Variants in EIF4E observed in about 807,000 individuals in gnomAD.
EIF4E encodes the protein eIF-4F 25 kDa subunit.
For missense variants in EIF4E, 113 were observed against 265.6 expected (o/e 0.43, Z 3.99); for synonymous variants, 71 against 88.5 (o/e 0.80, Z 1.11).
intron 3 of EIF4E, among the ~76,000 whole-genome samples, chr4:98,889,576 T>G (rs1656865257): frequency 6.6e-6 from 1 of 152,088 alleles, no homozygotes; most frequent in South Asian, 2.1e-4. Flanking sequence ...TGCAATAAAT[T>G]TGCTAGAAAA....
intron 1 of EIF4E, among the ~76,000 whole-genome samples, chr4:98,920,859 A>G (rs566977944): frequency 6.6e-6 from 1 of 152,316 alleles, no homozygotes; most frequent in African/African-American, 2.4e-5. Context: ...TTTTACACTT[A>G]TTTGTGTACC....
chr4:98,901,076 T>TA (rs773074524), intron 2 of EIF4E, among the ~76,000 whole-genome samples: 6 of 152,256 alleles, frequency 3.9e-5, no homozygotes, highest in Admixed American at 1.3e-4. Flanking sequence ...CGGACTTTTT[T>TA]AAAAGTGTTC....
In EIF4E at chr4:98,879,852, G is replaced by C. The variant is rs867913201; in HGVS notation, c.*1176C>G. ...CTTACTTTATAAAAAAACAAAGATA[G>C]CCACATCAATTTAATTCCATATATA... On this transcript the variant is annotated 3_prime_UTR_variant, in exon 7 of 7. Transcript: ENST00000450253. The C allele has an allele frequency of 1.3e-4, 20 of 151,982 alleles. No homozygotes were observed. The highest frequency in any genetic ancestry group is 5.2e-4 in the Admixed American group (8 of 15,254). The allele number at this position is 151,982 out of a possible 1,614,324, so 9.4% of individuals were successfully genotyped here. A position where few individuals can be genotyped will look rare whatever the true frequency, so the allele number is the denominator to read the frequency against.
intron 1 of EIF4E, among the ~76,000 whole-genome samples, chr4:98,907,977 G>T (rs1036515140): frequency 7.2e-5 from 11 of 152,098 alleles, no homozygotes; most frequent in Admixed American, 6.6e-4. Context: ...TTCAAACTCT[G>T]GAGAAGTTCC....
chr4:98,895,390 T>C (rs542250089), intron 2 of EIF4E: 44 of 152,362 alleles, frequency 2.9e-4, no homozygotes, highest in African/African-American at 1.0e-3. Flanking sequence ...TTAAATGTTA[T>C]TATCCCAAGA....
chr4:98,915,119 A>C (rs1327686111), intron 1 of EIF4E, among the ~76,000 whole-genome samples: 1 of 151,966 alleles, frequency 6.6e-6, no homozygotes, highest in East Asian at 1.9e-4. Flanking sequence ...AGTTTTTTGT[A>C]TTAATATTTT....
intron 1 of EIF4E, among the ~76,000 whole-genome samples, chr4:98,909,143 CA>C (rs924343174): frequency 2.1e-4 from 32 of 152,218 alleles, no homozygotes; most frequent in African/African-American, 7.5e-4. Flanking sequence ...TCCTCCCAGA[CA>C]CACAAAAAAA....
intron 1 of EIF4E, among the ~76,000 whole-genome samples, chr4:98,927,654 C>CAAAAAAAAAAAAAAAAAAAAAAAA (rs774720176): frequency 2.9e-5 from 1 of 35,050 alleles, no homozygotes; most frequent in Non-Finnish European, 5.4e-5. Flanking sequence ...GACTCCATCT[C>CAAAAAAAAAAAAAAAAAAAAAAAA]AAAAAAAAAA....
intron 1 of EIF4E, among the ~76,000 whole-genome samples, chr4:98,905,322 T>G (rs1312115724): frequency 6.6e-6 from 1 of 152,162 alleles, no homozygotes; most frequent in Non-Finnish European, 1.5e-5. Flanking sequence ...ATTTAGCAGA[T>G]TATGGCTAAT....
chr4:98,919,333 AAAAAAAAAAAAAAC>A (rs1463883843), intron 1 of EIF4E, among the ~76,000 whole-genome samples: 1 of 77,954 alleles, frequency 1.3e-5, no homozygotes, highest in Non-Finnish European at 3.1e-5. Flanking sequence ...AAAGACTAGC[AAAAAAAAAAAAAAC>A]AAAAAAAAAC....
intron 1 of EIF4E, among the ~76,000 whole-genome samples, chr4:98,909,154 A>T (rs955714243): frequency 6.6e-6 from 1 of 152,196 alleles, no homozygotes; most frequent in Non-Finnish European, 1.5e-5. Flanking sequence ...ACACAAAAAA[A>T]CCCACTACCA....
chr4:98,881,926 C>T (rs1397477497), intron 6 of EIF4E, among the ~76,000 whole-genome samples: 1 of 152,164 alleles, frequency 6.6e-6, no homozygotes, highest in East Asian at 1.9e-4. Context: ...GAGAAGTCTT[C>T]CCCTTTAAAT....
chr4:98,902,682 A>G (rs1325161006), intron 1 of EIF4E, among the ~76,000 whole-genome samples: 2 of 152,150 alleles, frequency 1.3e-5, no homozygotes, highest in African/African-American at 2.4e-5. Context: ...TACAGGATGG[A>G]AACTAAAGTT....
At chr4:98,896,504 A>C (rs944876387) in intron 2 of EIF4E, among the ~76,000 whole-genome samples, 3 of 148,890 alleles carry the variant, frequency 2.0e-5, no homozygotes, top group Admixed American at 6.7e-5. Flanking sequence ...AAAAAAAAAA[A>C]AAAAAACACC....
chr4:98,895,725 A>G (rs547085490), intron 2 of EIF4E, among the ~76,000 whole-genome samples: 4 of 152,324 alleles, frequency 2.6e-5, no homozygotes, highest in Non-Finnish European at 4.4e-5. Flanking sequence ...TTTTCAAAAC[A>G]AAAACCTCTG....
At chr4:98,920,164 A>C (rs532797684) in intron 1 of EIF4E, among the ~76,000 whole-genome samples, 1 of 152,356 alleles carries the variant, frequency 6.6e-6, no homozygotes, top group South Asian at 2.1e-4. Flanking sequence ...TAGGTTTTCC[A>C]CATTAGACAG....
intron 3 of EIF4E, among the ~76,000 whole-genome samples, chr4:98,890,053 A>G (rs1210277498): frequency 6.6e-6 from 1 of 152,180 alleles, no homozygotes; most frequent in African/African-American, 2.4e-5. Context: ...TCTCAAATGA[A>G]TGTTCTCAAA....
intron 3 of EIF4E, among the ~76,000 whole-genome samples, chr4:98,888,615 A>G (rs1724019342): frequency 1.3e-5 from 2 of 152,224 alleles, no homozygotes; most frequent in South Asian, 4.1e-4. Context: ...CCAAGTATCA[A>G]AATAACAGAA....
intron 6 of EIF4E, among the ~76,000 whole-genome samples, chr4:98,882,832 T>A (rs1723755553): frequency 1.4e-5 from 2 of 144,742 alleles, no homozygotes; most frequent in Non-Finnish European, 3.0e-5. Flanking sequence ...TTAACTCATT[T>A]AAAAAAAAAA....
Sources: allele counts gnomAD v4.1 joint callset (sites outside exome capture counted in the v4.1 genomes callset), GRCh38; gene constraint gnomAD v4.1.1; transcripts MANE v1.5; gene names NCBI Gene and HGNC (gene_info 2026-07-23, HGNC 2026-07-21).